Variants in CNTN1 observed in about 807,000 individuals in gnomAD.
The protein encoded by CNTN1 is contactin 1.
Under a neutral mutation model 126.4 loss-of-function variants are expected in CNTN1, and 38 were observed. That is an observed-to-expected ratio of 0.30 (90% CI 0.23 to 0.39). The LOEUF is 0.39. Ranked by LOEUF, CNTN1 falls within the 10% of genes least tolerant of loss-of-function variation. The pLI, the probability that CNTN1 is intolerant of heterozygous loss-of-function variation, is 1.00. For synonymous variants in CNTN1, 413 were observed against 422.6 expected, an observed-to-expected ratio of 0.98 and a Z score of 0.28; for missense variants, 1,009 against 1,248.4, an observed-to-expected ratio of 0.81 and a Z score of 2.89.
At chr12:40,964,895 G>C (rs1947251328) in intron 15 of CNTN1, among the ~76,000 whole-genome samples, 1 of 151,972 alleles carries the variant, frequency 6.6e-6, no homozygotes, top group African/African-American at 2.4e-5. Flanking sequence ...AATGCTCTTG[G>C]GTATTTTACT....
intron 14 of CNTN1, among the ~76,000 whole-genome samples, chr12:40,958,292 T>TG (rs1456026360): frequency 6.6e-6 from 1 of 151,728 alleles, no homozygotes; most frequent in Non-Finnish European, 1.5e-5. Flanking sequence ...AATAAAAGTG[T>TG]GTGTATGTGT....
At chr12:41,009,177 T>A (rs1327225120) in intron 17 of CNTN1, among the ~76,000 whole-genome samples, 1 of 152,192 alleles carries the variant, frequency 6.6e-6, no homozygotes, top group Non-Finnish European at 1.5e-5. Flanking sequence ...CATATTCAGG[T>A]CCTCCAGTTC....
At chr12:40,979,668 T>C (rs1020343982) in intron 15 of CNTN1, among the ~76,000 whole-genome samples, 3 of 152,136 alleles carry the variant, frequency 2.0e-5, no homozygotes, top group African/African-American at 7.2e-5. Context: ...ACTGAGAGAC[T>C]TCTTTAGCTT....
At chr12:40,896,413 A>G (rs913079912) in intron 1 of CNTN1, among the ~76,000 whole-genome samples, 1 of 152,076 alleles carries the variant, frequency 6.6e-6, no homozygotes, top group Non-Finnish European at 1.5e-5. Context: ...TACTATTCCC[A>G]TTGTACAAAC....
In CNTN1 at chr12:40,707,046, GCA is replaced by G. The variant is rs59993134; in HGVS notation, c.-77+14496_-77+14497del. ...TAAAGACGTGCGCGCGCGCGCTTGC[GCA>G]CACACACACACACACACACACACAC... On this transcript the variant is annotated intron_variant, in intron 1 of 23. Coordinates refer to ENST00000551295, the MANE Select transcript of CNTN1 (RefSeq NM_001843.4). 9.5e-3 allele frequency among the ~76,000 whole-genome samples: 1,420 copies of G among 149,374 alleles called. 16 individuals are homozygous for G. Among genetic ancestry groups the G allele is most frequent in the African/African-American group, 0.024 (951 of 40,396 alleles).
intron 1 of CNTN1, among the ~76,000 whole-genome samples, chr12:40,701,690 A>G (rs1281078684): frequency 2.0e-5 from 3 of 152,142 alleles, no homozygotes; most frequent in Non-Finnish European, 2.9e-5. Context: ...TATTTTGGAG[A>G]GCATAACAAC....
At chr12:40,906,712 G>T (rs1488949703) in intron 1 of CNTN1, among the ~76,000 whole-genome samples, 1 of 112,680 alleles carries the variant, frequency 8.9e-6, no homozygotes, top group Non-Finnish European at 1.7e-5. Context: ...TTTCGCTCTT[G>T]TTGCCCAGGC....
At chr12:40,806,479 A>T (rs1465178500) in intron 1 of CNTN1, among the ~76,000 whole-genome samples, 1 of 152,106 alleles carries the variant, frequency 6.6e-6, no homozygotes, top group African/African-American at 2.4e-5. Flanking sequence ...GTAAGAAAGG[A>T]GAGTTCAGGG....
intron 3 of CNTN1, among the ~76,000 whole-genome samples, chr12:40,912,321 A>G (rs1460737282): frequency 6.6e-6 from 1 of 152,026 alleles, no homozygotes; most frequent in East Asian, 1.9e-4. Context: ...TAGATATTTA[A>G]TTAATAACTA....
intron 17 of CNTN1, 85 bp downstream of exon 17, chr12:40,993,354 A>T (rs1948137874): frequency 8.5e-7 from 1 of 1,177,540 alleles, no homozygotes; most frequent in African/African-American, 1.5e-5. Context: ...ATTTGAAAAT[A>T]ATGCTCTGAG....
At chr12:41,008,286 A>G (rs1228454593) in intron 17 of CNTN1, among the ~76,000 whole-genome samples, 1 of 152,252 alleles carries the variant, frequency 6.6e-6, no homozygotes, top group East Asian at 1.9e-4. Flanking sequence ...TGGAGGTACC[A>G]TAGGCCACAA....
intron 14 of CNTN1, among the ~76,000 whole-genome samples, chr12:40,949,861 C>T (rs1185305214): frequency 6.6e-6 from 1 of 151,962 alleles, no homozygotes; most frequent in African/African-American, 2.4e-5. Flanking sequence ...CAGGCATGAG[C>T]CACCGCACCC....
At chr12:40,872,606 T>C (rs1242373038) in intron 1 of CNTN1, among the ~76,000 whole-genome samples, 1 of 136,762 alleles carries the variant, frequency 7.3e-6, no homozygotes, top group Non-Finnish European at 1.5e-5. Flanking sequence ...GGAGTCTGGC[T>C]GTCACCCAGG....
intron 1 of CNTN1, among the ~76,000 whole-genome samples, chr12:40,880,871 C>T (rs559164018): frequency 8.6e-5 from 13 of 151,808 alleles, no homozygotes; most frequent in African/African-American, 2.4e-4. Context: ...GCATTCAGTC[C>T]GGTAGAAAAG....
chr12:40,842,684 A>G (rs1156438808), intron 1 of CNTN1, among the ~76,000 whole-genome samples: 2 of 152,114 alleles, frequency 1.3e-5, no homozygotes, highest in Admixed American at 1.3e-4. Context: ...GGAGGGCAAC[A>G]ATCTGCTTTG....
intron 20 of CNTN1, among the ~76,000 whole-genome samples, chr12:41,021,351 C>A (rs573017022): frequency 6.6e-6 from 1 of 151,574 alleles, no homozygotes; most frequent in African/African-American, 2.4e-5. Flanking sequence ...ACCCACCCCA[C>A]TCCCCCAGCC....
intron 1 of CNTN1, among the ~76,000 whole-genome samples, chr12:40,752,297 C>T (rs933321118): frequency 4.6e-5 from 7 of 152,020 alleles, no homozygotes; most frequent in Admixed American, 3.9e-4. Flanking sequence ...AGAACTACAA[C>T]GTGTGTAGCA....
At chr12:40,913,309 A>C (rs1383610780) in intron 3 of CNTN1, among the ~76,000 whole-genome samples, 1 of 152,214 alleles carries the variant, frequency 6.6e-6, no homozygotes, top group African/African-American at 2.4e-5. Flanking sequence ...AATGGTTGGC[A>C]GTGGAGATAG....
chr12:40,751,009 C>G (rs1938386678), intron 1 of CNTN1, among the ~76,000 whole-genome samples: 1 of 151,886 alleles, frequency 6.6e-6, no homozygotes, highest in Admixed American at 6.6e-5. Flanking sequence ...GGAAGAGGAG[C>G]CAGCACAGGA....
Sources: allele counts gnomAD v4.1 joint callset (sites outside exome capture counted in the v4.1 genomes callset), GRCh38; gene constraint gnomAD v4.1.1; transcripts MANE v1.5; gene names NCBI Gene and HGNC (gene_info 2026-07-23, HGNC 2026-07-21).